Variants in NPTX1 observed in about 807,000 individuals in gnomAD.
NPTX1 encodes the protein neuronal pentraxin-1.
In NPTX1, 12 loss-of-function variants were observed where a neutral mutation model predicts 38.7. That is an observed-to-expected ratio of 0.31 (90% CI 0.20 to 0.50). NPTX1 has a LOEUF of 0.50. Among genes scored for constraint, NPTX1 ranks in the 20% least tolerant of loss-of-function variants. The probability of loss-of-function intolerance (pLI) is 0.98; values close to 1 mark genes in which losing one functional copy is unlikely to be tolerated. For missense variants in NPTX1, 454 were observed against 592.2 expected (o/e 0.77, Z 2.42); for synonymous variants, 272 against 264.9 (o/e 1.03, Z -0.26).
At chr17:80,474,808 C>CA (rs1421944044) in intron 2 of NPTX1, 1 of 145,198 alleles carries the variant, frequency 6.9e-6, no homozygotes, top group African/African-American at 2.4e-5. Context: ...GCACCCCCCC[C>CA]CCTCCCCTTT....
rs1568276227 is a variant in NPTX1 at position 80,475,966 on chromosome 17, G to GC, written c.444+36dup. 8 of 1,534,526 alleles carry GC rather than the reference G, an allele frequency of 5.2e-6. No individual in the cohort carries two copies. Among genetic ancestry groups the GC allele is most frequent in the Non-Finnish European group, 7.2e-6 (8 of 1,116,318 alleles). ...TGGGGGAGGGCAGAGGGGCGAGCGAGCCGGAGGGGGAACCGGAGCCGAGGG... is the reference window on the plus strand; with the variant it reads ...TGGGGGAGGGCAGAGGGGCGAGCGAGCCCGGAGGGGGAACCGGAGCCGAGGG... On this transcript the variant is annotated intron_variant, in intron 1 of 4. Coordinates refer to ENST00000306773, the MANE Select transcript of NPTX1 (RefSeq NM_002522.4). This position sits in a 1 kb window ranked among gnomAD's most constrained non-coding sequence, Gnocchi z 6.5.
In NPTX1 at chr17:80,467,273, T is replaced by C. The variant is rs1209968811; in HGVS notation, c.*3540A>G. The C allele has an allele frequency of 2.0e-5, 3 of 152,532 alleles. No individual in the cohort carries two copies. The highest frequency in any genetic ancestry group is 6.5e-5 in the Admixed American group (1 of 15,272). The allele number at this position is 152,532 out of a possible 1,614,324, so 9.4% of individuals were successfully genotyped here. A position where few individuals can be genotyped will look rare whatever the true frequency, so the allele number is the denominator to read the frequency against. On this transcript the variant is annotated 3_prime_UTR_variant, in exon 5 of 5. Transcript: ENST00000306773. ...GAAGTAATACATTTCCCATCGTTAGTTGAATAAATTTACACACTGTGTTTA... is the reference window on the plus strand; with the variant it reads ...GAAGTAATACATTTCCCATCGTTAGCTGAATAAATTTACACACTGTGTTTA...
Position 80,470,852 on chromosome 17 carries a change from G to A in NPTX1, c.1260C>T (p.Ala420=). The change falls in exon 5 of 5, where the codon GCC becomes GCT. Residue 420 remains alanine (A), a synonymous_variant. Transcript: ENST00000306773. The stretch of plus-strand genomic sequence containing the variant: ...GACAGGCCTCGAAGGTCCACTTGGT[G>A]GCCCCTCCGTAGATCTCGATGTGGG... ...AESHIEIYGG[A]TKWTFEACRQ... 1 of 1,605,970 alleles carries A rather than the reference G, an allele frequency of 6.2e-7. No individual in the cohort carries two copies. Among genetic ancestry groups the A allele is most frequent in the Non-Finnish European group, 8.5e-7 (1 of 1,173,636 alleles).
rs1321486839 is a variant in NPTX1, at chr17:80,476,453, G to A, written c.-7C>T. On this transcript the variant is annotated 5_prime_UTR_variant, in exon 1 of 5. Coordinates refer to ENST00000306773, the MANE Select transcript of NPTX1 (RefSeq NM_002522.4). The surrounding 1 kb of genome is among the most constrained non-coding windows in gnomAD (Gnocchi z 6.3). ...CGGCGCGGCCGGCCGGCATGGCTGC[G>A]GGCACCGGGCGCTCCGGGCCCGGCT... The A allele has an allele frequency of 6.4e-6, 8 of 1,248,066 alleles. No homozygotes were observed. Among genetic ancestry groups the A allele is most frequent in the South Asian group, 3.1e-5 (1 of 31,916 alleles). 77.3% of individuals were successfully genotyped at this position (1,248,066 alleles called of 1,614,324 possible). A position where few individuals can be genotyped will look rare whatever the true frequency, so the allele number is the denominator to read the frequency against.
Position 80,468,758 on chromosome 17 carries a change from A to T in NPTX1, c.*2055T>A, listed in dbSNP as rs2083820738. The T allele has an allele frequency of 6.6e-6, 1 of 152,326 alleles. No individual in the cohort carries two copies. Among genetic ancestry groups the T allele is most frequent in the African/African-American group, 2.4e-5 (1 of 41,452 alleles). 9.4% of individuals were successfully genotyped at this position (152,326 alleles called of 1,614,324 possible). ...TTTCAGTAGCTACACGGGTGGTCAC[A>T]GAACACTGGGCGGCACTCGGCACAC... On this transcript the variant is annotated 3_prime_UTR_variant, in exon 5 of 5. Coordinates refer to ENST00000306773, the MANE Select transcript of NPTX1 (RefSeq NM_002522.4).
chr17:80,474,181 C>T (rs942555221), intron 2 of NPTX1: 8 of 152,328 alleles, frequency 5.3e-5, no homozygotes, highest in African/African-American at 1.7e-4. Flanking sequence ...TAAGTGTCCT[C>T]ACAGCTCAGG....
chr17:80,473,877 G>A (rs2143046302), intron 2 of NPTX1: 1 of 201,330 alleles, frequency 5.0e-6, no homozygotes, highest in South Asian at 7.9e-5. Context: ...TCCAGGATGG[G>A]GCGGGGCTCA....
rs1163917985 is a variant in NPTX1, at chr17:80,471,886, T to C, written c.923A>G (p.Asn308Ser). 1.2e-6 allele frequency: 2 copies of C among 1,613,130 alleles called. No homozygotes were observed. The highest frequency in any genetic ancestry group is 1.3e-5 in the African/African-American group (1 of 75,044). The change falls in exon 4 of 5, where the codon AAT (asparagine) becomes AGT (serine). Residue 308 changes from asparagine to serine, a missense_variant. This residue lies in a region of NPTX1 where 110 missense variants were observed against 197.5 expected (regional missense o/e 0.56). Transcript: ENST00000306773. ...ACAGATGTGGTGCCACTTGCCATCATTGATGACAAAAGGCAACTTGGCCAC... is the reference window on the plus strand; with the variant it reads ...ACAGATGTGGTGCCACTTGCCATCACTGATGACAAAAGGCAACTTGGCCAC... Reference protein sequence around the residue: ...DKVAKLPFVINDGKWHHICVT... With the variant: ...DKVAKLPFVISDGKWHHICVT...
At position 80,469,196 on chromosome 17, in the gene NPTX1, C is replaced by T. The variant is rs1317703719; in HGVS notation, c.*1617G>A. 2.6e-5 allele frequency: 4 copies of T among 152,534 alleles called. No homozygotes were observed. The East Asian group carries it at 7.7e-4, about 29-fold the overall frequency. The allele number at this position is 152,534 out of a possible 1,614,324, so 9.4% of individuals were successfully genotyped here. A position where few individuals can be genotyped will look rare whatever the true frequency, so the allele number is the denominator to read the frequency against. On this transcript the variant is annotated 3_prime_UTR_variant, in exon 5 of 5. Transcript: ENST00000306773. ...CCTCCTGCAGAAATGTCTGCAGCTG[C>T]AGCTGAGCCAGGCAGTGCAGTAGAA...
chr17:80,470,921 G>T lies in NPTX1; in HGVS notation c.1191C>A (p.Cys397Ter). The T allele has an allele frequency of 6.2e-7, 1 of 1,613,796 alleles. No homozygotes were observed. Among genetic ancestry groups the T allele is most frequent in the Non-Finnish European group, 8.5e-7 (1 of 1,179,748 alleles). ...TPGEVYNLAT[C>*]STKALSGNVI... is the part of the protein sequence containing the mutation. ...CATTGCCGGACAGAGCCTTGGTGCT[G>T]CAGGTGGCCAGGTTGTACACCTCCC... Residue 397 changes from cysteine (C) to a stop codon, truncating the protein, a stop_gained, in exon 5 of 5, where the codon TGC (cysteine) becomes TGA (stop). Transcript: ENST00000306773. LOFTEE classifies it high-confidence loss of function.
In NPTX1 at chr17:80,475,635, C is replaced by G. The variant is rs1372108616; in HGVS notation, c.528G>C (p.Gln176His). The G allele has an allele frequency of 6.2e-7, 1 of 1,613,062 alleles. No individual in the cohort carries two copies. ...CCAGGGTGTTCACCCGGGACAGCACCTGCCTCTCCAGCTCATCGATCTTGC... is the reference window on the plus strand; with the variant it reads ...CCAGGGTGTTCACCCGGGACAGCACGTGCCTCTCCAGCTCATCGATCTTGC... ...LQSKIDELER[Q>H]VLSRVNTLEE... The change falls in exon 2 of 5, where the codon CAG (glutamine) becomes CAC (histidine). Residue 176 changes from glutamine (Q) to histidine (H), a missense_variant. By Grantham distance (24) the Gln-to-His change is conservative. Transcript: ENST00000306773. This position sits in a 1 kb window ranked among gnomAD's most constrained non-coding sequence, Gnocchi z 6.5.
intron 3 of NPTX1, among the ~76,000 whole-genome samples, chr17:80,472,373 T>C (rs897956365): frequency 2.6e-5 from 4 of 152,172 alleles, no homozygotes; most frequent in African/African-American, 9.7e-5. Flanking sequence ...ACGGCAAGCT[T>C]TTGCCGAGGA....
In NPTX1 at chr17:80,475,451, C is replaced by A; in HGVS notation, c.652+60G>T. 7.0e-7 allele frequency: 1 copy of A among 1,434,832 alleles called. No individual in the cohort carries two copies. The highest frequency in any genetic ancestry group is 2.3e-5 in the East Asian group (1 of 43,192). The allele number at this position is 1,434,832 out of a possible 1,614,324, so 88.9% of individuals were successfully genotyped here. A position where few individuals can be genotyped will look rare whatever the true frequency, so the allele number is the denominator to read the frequency against. ...GAGCTGGGCTGTTAGGGATCGGGACCGAGGCAGGGTCGGGCAAGCAGGTGC... is the reference window on the plus strand; with the variant it reads ...GAGCTGGGCTGTTAGGGATCGGGACAGAGGCAGGGTCGGGCAAGCAGGTGC... On this transcript the variant is annotated intron_variant, in intron 2 of 4. Transcript: ENST00000306773. The surrounding 1 kb of genome is among the most constrained non-coding windows in gnomAD (Gnocchi z 6.5).
Position 80,475,256 on chromosome 17 carries a change from G to C in NPTX1, c.652+255C>G, listed in dbSNP as rs879774418. ...AGCGAGTGTGTGAGTGTGTCTGGAT[G>C]GGGGAGGGGGCACTATGCAATCCCC... On this transcript the variant is annotated intron_variant, in intron 2 of 4. Coordinates refer to ENST00000306773, the MANE Select transcript of NPTX1 (RefSeq NM_002522.4). This position sits in a 1 kb window ranked among gnomAD's most constrained non-coding sequence, Gnocchi z 6.5. 6.6e-6 allele frequency among the ~76,000 whole-genome samples: 1 copy of C among 152,168 alleles called. No homozygotes were observed. The highest frequency in any genetic ancestry group is 1.5e-5 in the Non-Finnish European group (1 of 68,022).
intron 4 of NPTX1, among the ~76,000 whole-genome samples, chr17:80,471,317 C>T (rs1367121941): frequency 6.6e-6 from 1 of 152,208 alleles, no homozygotes. Flanking sequence ...CAGCCATGGA[C>T]AACCACAGCA....
rs559677211 is a variant in NPTX1 at position 80,468,974 on chromosome 17, G to A, written c.*1839C>T. On this transcript the variant is annotated 3_prime_UTR_variant, in exon 5 of 5. Transcript: ENST00000306773. ...ACTGTTGAACAACAACGCGCAGCAC[G>A]GCGCCTGATCTGCACCCCCCTCTGC... 2.0e-5 allele frequency: 3 copies of A among 152,368 alleles called. No individual in the cohort carries two copies. Among genetic ancestry groups the A allele is most frequent in the South Asian group, 2.1e-4 (1 of 4,828 alleles). 9.4% of individuals were successfully genotyped at this position (152,368 alleles called of 1,614,324 possible). A position where few individuals can be genotyped will look rare whatever the true frequency, so the allele number is the denominator to read the frequency against.
At chr17:80,471,267 T>TG (rs1187560288) in intron 4 of NPTX1, among the ~76,000 whole-genome samples, 1 of 152,238 alleles carries the variant, frequency 6.6e-6, no homozygotes, top group South Asian at 2.1e-4. Flanking sequence ...GAGCTTCTCC[T>TG]GGGGGGACCT....
Position 80,473,320 on chromosome 17 carries a change from G to A in NPTX1, c.777C>T (p.Leu259=). The change falls in exon 3 of 5, where the codon CTC becomes CTT. Residue 259 remains leucine, a synonymous_variant. Coordinates refer to ENST00000306773, the MANE Select transcript of NPTX1 (RefSeq NM_002522.4). ...EMYAFTVCMW[L]KSSATPGVGT... ...CCACACCTGGCGTGGCGCTGGACTT[G>A]AGCCACATGCAGACAGTGAAGGCGT... 3 of 1,614,086 alleles carry A rather than the reference G, an allele frequency of 1.9e-6. No individual in the cohort carries two copies. Among genetic ancestry groups the A allele is most frequent in the Non-Finnish European group, 2.5e-6 (3 of 1,180,034 alleles).
In NPTX1 at chr17:80,476,336, C is replaced by T; in HGVS notation, c.111G>A (p.Val37=). The T allele has an allele frequency of 6.5e-7, 1 of 1,539,874 alleles. No individual in the cohort carries two copies. The highest frequency in any genetic ancestry group is 8.7e-7 in the Non-Finnish European group (1 of 1,149,144). The change falls in exon 1 of 5, where the codon GTG becomes GTA. Residue 37 remains valine (V), a synonymous_variant. Transcript: ENST00000306773. This position sits in a 1 kb window ranked among gnomAD's most constrained non-coding sequence, Gnocchi z 6.3. ...PTRFICTSVP[V]DADMCAASVA... is the part of the protein sequence containing the mutation. ...CGGACGCGGCGCACATGTCGGCGTC[C>T]ACGGGCACCGAGGTGCAGATGAAGC... is the stretch of plus-strand genomic sequence containing the variant.
Sources: allele counts gnomAD v4.1 joint callset (sites outside exome capture counted in the v4.1 genomes callset), GRCh38; gene constraint gnomAD v4.1.1; regional missense constraint gnomAD v4.1.1; non-coding constraint Gnocchi (gnomAD v3.1); transcripts MANE v1.5; gene names NCBI Gene and HGNC (gene_info 2026-07-23, HGNC 2026-07-21).